The following HCN1 variants were observed in gnomAD, a reference collection of about 807,000 sequenced individuals.
HCN1 encodes the protein potassium/sodium hyperpolarization-activated cyclic nucleotide-gated channel 1.
Under a neutral mutation model 78.9 loss-of-function variants are expected in HCN1, and 13 were observed. The ratio of observed to expected loss-of-function variants is 0.16; its 90% CI spans 0.11 to 0.26. HCN1 has a LOEUF of 0.26. HCN1 is among the 10% of genes least tolerant of loss of function. The probability of loss-of-function intolerance (pLI) is 1.00; values close to 1 mark genes in which losing one functional copy is unlikely to be tolerated. For synonymous variants in HCN1, 552 were observed against 455.5 expected, an observed-to-expected ratio of 1.21 and a Z score of -2.70; for missense variants, 810 against 1,154.3, an observed-to-expected ratio of 0.70 and a Z score of 4.32.
At chr5:45,591,937 C>G (rs533010738) in intron 2 of HCN1, among the ~76,000 whole-genome samples, 1 of 151,450 alleles carries the variant, frequency 6.6e-6, no homozygotes, top group Admixed American at 6.6e-5. Flanking sequence ...CATTTAGCTC[C>G]GTGATCCACT....
rs1307540854 is a variant in HCN1, at chr5:45,375,183, G to A, written c.1230+21309C>T. 2.2e-3 allele frequency among the ~76,000 whole-genome samples: 239 copies of A among 107,756 alleles called. 1 individual carries two copies. Among genetic ancestry groups the A allele is most frequent in the East Asian group, 0.012 (53 of 4,300 alleles). The allele number at this position is 107,756 out of a possible 152,430, so 70.7% of individuals were successfully genotyped here. On this transcript the variant is annotated intron_variant, in intron 4 of 7. Coordinates refer to ENST00000303230, the MANE Select transcript of HCN1 (RefSeq NM_021072.4). ...TATAATATATTTTATAATATATAAT[G>A]TATTATATATAATATAATATTTTAT...
intron 3 of HCN1, among the ~76,000 whole-genome samples, chr5:45,444,049 TGC>T (rs1005571897): frequency 6.6e-6 from 1 of 152,148 alleles, no homozygotes; most frequent in African/African-American, 2.4e-5. Context: ...GTTTTCTATT[TGC>T]ATAATTTAAA....
chr5:45,425,238 C>T (rs985386546), intron 3 of HCN1, among the ~76,000 whole-genome samples: 8 of 152,198 alleles, frequency 5.3e-5, no homozygotes, highest in African/African-American at 1.7e-4. Context: ...TTACCCTGTG[C>T]ATCACTCAAT....
At chr5:45,472,679 C>T (rs997123731) in intron 2 of HCN1, among the ~76,000 whole-genome samples, 2 of 151,474 alleles carry the variant, frequency 1.3e-5, no homozygotes, top group African/African-American at 4.8e-5. Context: ...AGTTCAGAAA[C>T]ATTTGGTATG....
Position 45,493,406 on chromosome 5 carries a change from C to T in HCN1, c.850-31399G>A, listed in dbSNP as rs186102461. ...TAATGTCTCCAAGTCCATGATTTTT[C>T]CTCATTAATGTAATAGTTTTATATA... On this transcript the variant is annotated intron_variant, in intron 2 of 7. Transcript: ENST00000303230. 1.7e-3 allele frequency among the ~76,000 whole-genome samples: 262 copies of T among 151,920 alleles called. 1 individual carries two copies. Among genetic ancestry groups the T allele is most frequent in the African/African-American group, 6.1e-3 (253 of 41,486 alleles).
At position 45,314,664 on chromosome 5, in the gene HCN1, G is replaced by A. The variant is rs531482455; in HGVS notation, c.1378-10825C>T. Among the ~76,000 whole-genome samples, 8 of 152,180 alleles carry A rather than the reference G, an allele frequency of 5.3e-5. No individual in the cohort carries two copies. The East Asian group carries it at 1.5e-3, about 29-fold the overall frequency. On this transcript the variant is annotated intron_variant, in intron 5 of 7. Coordinates refer to ENST00000303230, the MANE Select transcript of HCN1 (RefSeq NM_021072.4). ...AGACCCATCAGTGTGCTGTATTCAGGAGACCCATCTCACATGCAGAGACAC... is the reference window on the plus strand; with the variant it reads ...AGACCCATCAGTGTGCTGTATTCAGAAGACCCATCTCACATGCAGAGACAC...
chr5:45,362,103 G>A (rs901979403), intron 4 of HCN1, among the ~76,000 whole-genome samples: 42 of 151,650 alleles, frequency 2.8e-4, no homozygotes, highest in African/African-American at 8.7e-4. Context: ...TAGTTTTCCT[G>A]CTCTAAATGA....
At chr5:45,359,941 G>GTATA (rs145289641) in intron 4 of HCN1, among the ~76,000 whole-genome samples, 4 of 146,990 alleles carry the variant, frequency 2.7e-5, no homozygotes, top group South Asian at 2.1e-4. Flanking sequence ...TTGACTTTGA[G>GTATA]TATATATATA....
intron 2 of HCN1, among the ~76,000 whole-genome samples, chr5:45,464,048 C>T (rs1004547280): frequency 3.3e-5 from 5 of 152,078 alleles, no homozygotes; most frequent in Non-Finnish European, 7.4e-5. Flanking sequence ...GTCTAGAGAA[C>T]TAGCATCGAT....
chr5:45,361,065 A>G (rs1747097227), intron 4 of HCN1, among the ~76,000 whole-genome samples: 1 of 152,150 alleles, frequency 6.6e-6, no homozygotes, highest in Non-Finnish European at 1.5e-5. Flanking sequence ...TTTCTCTGAG[A>G]TGGAGTTTCA....
intron 2 of HCN1, among the ~76,000 whole-genome samples, chr5:45,570,148 T>C (rs893579850): frequency 6.6e-6 from 1 of 152,106 alleles, no homozygotes; most frequent in African/African-American, 2.4e-5. Context: ...CGTGAACATC[T>C]TTTATCGATA....
chr5:45,269,741 C>T (rs1744925921), intron 6 of HCN1, among the ~76,000 whole-genome samples: 1 of 152,130 alleles, frequency 6.6e-6, no homozygotes, highest in Admixed American at 6.5e-5. Context: ...TGGCTACAGA[C>T]TATTCCGCAA....
intron 2 of HCN1, among the ~76,000 whole-genome samples, chr5:45,537,340 CA>C (rs1490067276): frequency 6.6e-6 from 1 of 151,836 alleles, no homozygotes; most frequent in Non-Finnish European, 1.5e-5. Context: ...AAATATTTTA[CA>C]TTGCTATTTA....
chr5:45,321,898 G>T (rs1490837906), intron 5 of HCN1, among the ~76,000 whole-genome samples: 2 of 151,732 alleles, frequency 1.3e-5, no homozygotes, highest in Admixed American at 6.6e-5. Context: ...TGTTTATTTT[G>T]CATACAAAAA....
chr5:45,394,688 T>C (rs1579865838), intron 4 of HCN1, among the ~76,000 whole-genome samples: 1 of 152,030 alleles, frequency 6.6e-6, no homozygotes, highest in African/African-American at 2.4e-5. Context: ...TGGTGGCAGG[T>C]GCCTGGAATC....
At chr5:45,412,062 C>T (rs1740035815) in intron 3 of HCN1, among the ~76,000 whole-genome samples, 1 of 152,006 alleles carries the variant, frequency 6.6e-6, no homozygotes, top group Non-Finnish European at 1.5e-5. Flanking sequence ...GGCTTACTGA[C>T]AAAGCAAGAG....
Position 45,303,612 on chromosome 5 carries a change from G to A in HCN1, c.1605C>T (p.Gly535=), listed in dbSNP as rs764923669. ...TTTTTTACTAACCTCCAAAGTAAGA[G>A]CCATCTGTCAGCTTCATTTCTTTAC... ...KSSKEMKLTD[G]SYFGEICLLT... The change falls in exon 6 of 8, where the codon GGC becomes GGT. Residue 535 remains glycine, a synonymous_variant. Coordinates refer to ENST00000303230, the MANE Select transcript of HCN1 (RefSeq NM_021072.4). The A allele has an allele frequency of 6.2e-7, 1 of 1,613,226 alleles. No homozygotes were observed. Among genetic ancestry groups the A allele is most frequent in the East Asian group, 2.2e-5 (1 of 44,816 alleles).
chr5:45,367,588 G>C (rs1236499672), intron 4 of HCN1, among the ~76,000 whole-genome samples: 1 of 151,812 alleles, frequency 6.6e-6, no homozygotes, highest in African/African-American at 2.4e-5. Context: ...AAAGAAAATT[G>C]ATCCAAACTT....
intron 5 of HCN1, among the ~76,000 whole-genome samples, chr5:45,325,283 T>C (rs1178862559): frequency 6.6e-6 from 1 of 151,730 alleles, no homozygotes; most frequent in Non-Finnish European, 1.5e-5. Context: ...GGAATATAAC[T>C]CAAAATCTCT....
Sources: allele counts gnomAD v4.1 joint callset (sites outside exome capture counted in the v4.1 genomes callset), GRCh38; gene constraint gnomAD v4.1.1; transcripts MANE v1.5; gene names NCBI Gene and HGNC (gene_info 2026-07-23, HGNC 2026-07-21).